Variants in MICU1 observed in about 807,000 individuals in gnomAD.
The protein encoded by MICU1 is calcium uptake protein 1, mitochondrial.
In MICU1, 45 loss-of-function variants were observed where a neutral mutation model predicts 56.8. The ratio of observed to expected loss-of-function variants is 0.79; its 90% CI spans 0.62 to 1.02. MICU1 has a LOEUF of 1.02. MICU1 is among the 50% of genes least tolerant of loss of function. The pLI, the probability that MICU1 is intolerant of heterozygous loss-of-function variation, is 0.00. For missense variants in MICU1, 504 were observed against 587.1 expected, an observed-to-expected ratio of 0.86 and a Z score of 1.46; for synonymous variants, 186 against 195.1, an observed-to-expected ratio of 0.95 and a Z score of 0.39.
At chr10:72,428,677 G>C (rs1344488242) in intron 8 of MICU1, among the ~76,000 whole-genome samples, 1 of 152,136 alleles carries the variant, frequency 6.6e-6, no homozygotes, top group African/African-American at 2.4e-5. Flanking sequence ...CTGACTAAAT[G>C]ATGAGTACCA....
intron 6 of MICU1, among the ~76,000 whole-genome samples, chr10:72,493,643 T>C (rs929530797): frequency 6.6e-6 from 1 of 151,972 alleles, no homozygotes; most frequent in Non-Finnish European, 1.5e-5. Context: ...TGTAGAGACA[T>C]GGTTTCGCCA....
chr10:72,509,389 A>G lies in MICU1; in HGVS notation c.538-1120T>C, dbSNP rs766661941. The G allele has an allele frequency of 3.0e-6, 4 of 1,335,782 alleles. No individual in the cohort carries two copies. In the Admixed American group the frequency reaches 6.0e-5, roughly 20 times the overall value. 82.7% of individuals were successfully genotyped at this position (1,335,782 alleles called of 1,614,324 possible). On this transcript the variant is annotated intron_variant, in intron 5 of 11. Coordinates refer to ENST00000361114, the MANE Select transcript of MICU1 (RefSeq NM_001195518.2). ...CAGCATCCAGTTACACAACTATCCA[A>G]TGGGTTACCTCTGTCTAGTGGAGAT...
chr10:72,614,856 T>C (rs1841939221), intron 1 of MICU1, among the ~76,000 whole-genome samples: 1 of 152,194 alleles, frequency 6.6e-6, no homozygotes, highest in Non-Finnish European at 1.5e-5. Flanking sequence ...TGTGTAACAA[T>C]GTGAATGTAC....
At chr10:72,370,113 A>C (rs903306233) in intron 11 of MICU1, among the ~76,000 whole-genome samples, 1 of 152,064 alleles carries the variant, frequency 6.6e-6, no homozygotes, top group Non-Finnish European at 1.5e-5. Context: ...TCCTGACCTC[A>C]TGATCCGCCC....
At position 72,393,825 on chromosome 10, in the gene MICU1, G is replaced by A. The variant is rs60695984; in HGVS notation, c.1180+14104C>T. On this transcript the variant is annotated intron_variant, in intron 10 of 11. Transcript: ENST00000361114. ...TCTGTCACCAGGCTGGAGTGCAGTG[G>A]TGTGATCTTGGCTCACTGCAATCTC... is the stretch of plus-strand genomic sequence containing the variant. 3.3e-3 allele frequency among the ~76,000 whole-genome samples: 496 copies of A among 152,312 alleles called. 3 individuals carry two copies. Among genetic ancestry groups the A allele is most frequent in the Admixed American group, 0.025 (386 of 15,304 alleles).
chr10:72,619,765 G>GT (rs1842059476), intron 1 of MICU1, among the ~76,000 whole-genome samples: 1 of 152,196 alleles, frequency 6.6e-6, no homozygotes, highest in Admixed American at 6.6e-5. Flanking sequence ...CATTAATCTA[G>GT]TTTAACGATG....
intron 1 of MICU1, among the ~76,000 whole-genome samples, chr10:72,568,598 G>C (rs1423994878): frequency 6.6e-6 from 1 of 152,102 alleles, no homozygotes; most frequent in Non-Finnish European, 1.5e-5. Context: ...GTCAAGCCCA[G>C]CTGAGCCAGC....
intron 6 of MICU1, among the ~76,000 whole-genome samples, chr10:72,492,184 TG>T (rs1866678952): frequency 6.6e-6 from 1 of 152,184 alleles, no homozygotes; most frequent in Non-Finnish European, 1.5e-5. Context: ...GGCTTTACTC[TG>T]AGACGGACTG....
At chr10:72,483,005 G>A (rs547720806) in intron 6 of MICU1, among the ~76,000 whole-genome samples, 10 of 151,696 alleles carry the variant, frequency 6.6e-5, no homozygotes, top group Non-Finnish European at 1.0e-4. Flanking sequence ...ACAGGCATGC[G>A]CCACCATGCC....
At chr10:72,461,166 CAG>C (rs1865628496) in intron 8 of MICU1, among the ~76,000 whole-genome samples, 1 of 152,156 alleles carries the variant, frequency 6.6e-6, no homozygotes, top group Non-Finnish European at 1.5e-5. Flanking sequence ...CCCTGAGGCA[CAG>C]AGTCTCTTTA....
intron 4 of MICU1, among the ~76,000 whole-genome samples, chr10:72,535,005 T>A (rs12416138): frequency 0.47 from 50,495 of 106,534 alleles, 14,607 homozygotes; most frequent in Non-Finnish European, 0.58. Context: ...CTCCCTCTAT[T>A]TTTTATTTTA....
intron 5 of MICU1, among the ~76,000 whole-genome samples, chr10:72,513,758 T>C (rs898340074): frequency 2.6e-5 from 4 of 152,152 alleles, no homozygotes; most frequent in Admixed American, 2.6e-4. Context: ...TTCATTCTTT[T>C]GTACGTGAAT....
At chr10:72,609,967 G>T (rs761339355) in intron 1 of MICU1, among the ~76,000 whole-genome samples, 3 of 151,702 alleles carry the variant, frequency 2.0e-5, no homozygotes, top group African/African-American at 7.3e-5. Context: ...CTGGAGGGGC[G>T]GAGGTTGCAG....
At chr10:72,569,223 A>ATTTTT (rs1564939690) in intron 1 of MICU1, among the ~76,000 whole-genome samples, 4 of 39,222 alleles carry the variant, frequency 1.0e-4, no homozygotes, top group African/African-American at 5.3e-4. Flanking sequence ...ATATATATAT[A>ATTTTT]TATATATATA....
intron 5 of MICU1, among the ~76,000 whole-genome samples, chr10:72,524,990 C>G (rs1427693747): frequency 6.6e-6 from 1 of 152,004 alleles, no homozygotes; most frequent in Non-Finnish European, 1.5e-5. Context: ...TTTTTAACTT[C>G]ATGGCAAATA....
intron 8 of MICU1, among the ~76,000 whole-genome samples, chr10:72,464,420 T>C (rs1423731628): frequency 2.0e-5 from 3 of 152,130 alleles, no homozygotes; most frequent in Non-Finnish European, 4.4e-5. Flanking sequence ...AAATAATGCT[T>C]GCTGTGGCAT....
chr10:72,462,274 T>A (rs1865661940), intron 8 of MICU1, among the ~76,000 whole-genome samples: 1 of 151,262 alleles, frequency 6.6e-6, no homozygotes, highest in Non-Finnish European at 1.5e-5. Context: ...TGGAGTGCAG[T>A]GGGGCAATCA....
chr10:72,535,005 T>TTTTATTTTATTTTATTTTATTTTATTTA (rs1839588252), intron 4 of MICU1, among the ~76,000 whole-genome samples: 2 of 116,314 alleles, frequency 1.7e-5, no homozygotes, highest in Non-Finnish European at 3.9e-5. Flanking sequence ...CTCCCTCTAT[T>TTTTATTTTATTTTATTTTATTTTATTTA]TTTTATTTTA....
intron 9 of MICU1, among the ~76,000 whole-genome samples, chr10:72,420,406 A>G (rs1300919424): frequency 2.0e-5 from 3 of 152,076 alleles, no homozygotes; most frequent in Non-Finnish European, 2.9e-5. Flanking sequence ...CGTGATTGTG[A>G]GGCCTCCTCA....
Sources: gnomAD v4.1 joint callset for allele counts (sites outside exome capture counted in the v4.1 genomes callset) on GRCh38, gnomAD v4.1.1 for gene constraint, MANE v1.5 for transcripts, NCBI Gene and HGNC (gene_info 2026-07-23, HGNC 2026-07-21) for gene names.